Variants in TENM3 observed in about 807,000 individuals in gnomAD.
TENM3 encodes teneurin transmembrane protein 3, also known as teneurin-3.
In TENM3, 63 loss-of-function variants were observed where a neutral mutation model predicts 255.1. The observed-to-expected ratio is 0.25, with a 90% confidence interval of 0.20 to 0.30. The LOEUF is 0.30. Among genes scored for constraint, TENM3 ranks in the 10% least tolerant of loss-of-function variants. The pLI is 1.00. For missense variants in TENM3, 2,929 were observed against 3,461.1 expected (o/e 0.85, Z 3.86); for synonymous variants, 1,306 against 1,322.3 (o/e 0.99, Z 0.27).
At chr4:182,680,496 C>T (rs1231220851) in intron 9 of TENM3, 47 bp from the exon 10 acceptor site, 7 of 1,597,628 alleles carry the variant, frequency 4.4e-6, no homozygotes, top group Non-Finnish European at 4.3e-6. Context: ...TTCGGAAGCT[C>T]GGTGGAAAGT....
chr4:182,558,787 C>T (rs1455254805), intron 3 of TENM3, among the ~76,000 whole-genome samples: 1 of 152,134 alleles, frequency 6.6e-6, no homozygotes, highest in African/African-American at 2.4e-5. Context: ...AGATATAAAT[C>T]AGTTTTTATG....
At chr4:182,562,511 G>A (rs535480995) in intron 3 of TENM3, among the ~76,000 whole-genome samples, 1 of 152,174 alleles carries the variant, frequency 6.6e-6, no homozygotes, top group Non-Finnish European at 1.5e-5. Context: ...TCTTCTCTTA[G>A]TCATTTCCGT....
intron 3 of TENM3, among the ~76,000 whole-genome samples, chr4:182,358,302 C>T: frequency 1.4e-5 from 2 of 140,262 alleles, no homozygotes; most frequent in African/African-American, 2.7e-5. Flanking sequence ...GATAAATTAC[C>T]TTGGGCAGTA....
the TENM3 span, among the ~76,000 whole-genome samples, chr4:181,553,378 G>A: frequency 2.0e-5 from 3 of 150,854 alleles, no homozygotes; most frequent in South Asian, 6.3e-4. Context: ...TATATTTTAT[G>A]TATATATCCA....
the TENM3 span, among the ~76,000 whole-genome samples, chr4:181,520,019 C>G: frequency 6.6e-6 from 1 of 152,344 alleles, no homozygotes; most frequent in South Asian, 2.1e-4. Flanking sequence ...CCACATGGAA[C>G]TCAGGCCTGT....
chr4:182,666,443 C>T (rs1031726298), intron 6 of TENM3, among the ~76,000 whole-genome samples: 2 of 152,164 alleles, frequency 1.3e-5, no homozygotes, highest in African/African-American at 4.8e-5. Flanking sequence ...AAGAAATTGC[C>T]ACAGACACTC....
chr4:181,608,100 A>G, the TENM3 span, among the ~76,000 whole-genome samples: 1 of 152,184 alleles, frequency 6.6e-6, no homozygotes, highest in Non-Finnish European at 1.5e-5. Context: ...TCACCTTTGG[A>G]TAGTAAGCTA....
the TENM3 span, among the ~76,000 whole-genome samples, chr4:181,987,311 A>G: frequency 6.6e-6 from 1 of 152,084 alleles, no homozygotes; most frequent in Non-Finnish European, 1.5e-5. Flanking sequence ...TTCCTTTGCA[A>G]TTGTGTAAGG....
At chr4:181,939,882 C>T in the TENM3 span, among the ~76,000 whole-genome samples, 1 of 152,332 alleles carries the variant, frequency 6.6e-6, no homozygotes, top group South Asian at 2.1e-4. Flanking sequence ...TATTTCATTT[C>T]ATTGCTTTAA....
At chr4:181,899,413 C>A in the TENM3 span, among the ~76,000 whole-genome samples, 1 of 151,676 alleles carries the variant, frequency 6.6e-6, no homozygotes, top group Non-Finnish European at 1.5e-5. Context: ...ACTAGAGAAA[C>A]GTAGAAAGAA....
intron 3 of TENM3, among the ~76,000 whole-genome samples, chr4:182,370,297 C>T (rs1461706396): frequency 2.0e-5 from 3 of 152,194 alleles, no homozygotes; most frequent in Non-Finnish European, 4.4e-5. Flanking sequence ...TCTTGTGTGT[C>T]TGTTGTAAGT....
chr4:181,794,680 G>GTGTGTA, the TENM3 span, among the ~76,000 whole-genome samples: 1 of 151,514 alleles, frequency 6.6e-6, no homozygotes. Flanking sequence ...GTGTGTGTGT[G>GTGTGTA]TGTGTGTGTG....
At chr4:181,600,573 T>C in the TENM3 span, among the ~76,000 whole-genome samples, 96,306 of 151,480 alleles carry the variant, frequency 0.64, 30,905 homozygotes, top group Admixed American at 0.68. Context: ...TAGTCCTAAG[T>C]ACCTCTCAAA....
upstream of TENM3, among the ~76,000 whole-genome samples, chr4:182,239,041 G>T (rs1409763269): frequency 5.0e-5 from 5 of 99,418 alleles, no homozygotes; most frequent in African/African-American, 1.4e-4. Flanking sequence ...TTATGTGTGT[G>T]TGTGTGTGTG....
At chr4:182,136,083 T>C in the TENM3 span, among the ~76,000 whole-genome samples, 1 of 152,148 alleles carries the variant, frequency 6.6e-6, no homozygotes, top group Non-Finnish European at 1.5e-5. Flanking sequence ...GAGCAGACCA[T>C]ATATCTACAT....
the TENM3 span, among the ~76,000 whole-genome samples, chr4:181,560,070 C>T: frequency 6.6e-6 from 1 of 152,000 alleles, no homozygotes; most frequent in African/African-American, 2.4e-5. Context: ...AACAGAATAC[C>T]CTAGACTGGA....
the TENM3 span, among the ~76,000 whole-genome samples, chr4:181,581,722 G>T: frequency 6.7e-6 from 1 of 150,160 alleles, no homozygotes. Context: ...TCAAAGTTCC[G>T]CTTTACTTTT....
At chr4:182,146,069 A>G (rs893932226) in intron 1 of TENM3, among the ~76,000 whole-genome samples, 5 of 152,130 alleles carry the variant, frequency 3.3e-5, no homozygotes, top group African/African-American at 1.2e-4. Flanking sequence ...CTTTTTCCCC[A>G]CTGCCTACTT....
At chr4:181,627,260 C>G in the TENM3 span, among the ~76,000 whole-genome samples, 3 of 152,054 alleles carry the variant, frequency 2.0e-5, no homozygotes, top group Admixed American at 6.5e-5. Context: ...AGAAAACAAG[C>G]TCTTTTAATG....
Sources: allele counts gnomAD v4.1 joint callset (sites outside exome capture counted in the v4.1 genomes callset), GRCh38; gene constraint gnomAD v4.1.1; transcripts MANE v1.5; gene names NCBI Gene and HGNC (gene_info 2026-07-23, HGNC 2026-07-21).